Variants in BICC1 observed in about 807,000 individuals in gnomAD.
BICC1 encodes the protein protein bicaudal C homolog 1.
BICC1 carries 43 observed loss-of-function variants against 111.0 expected under a neutral mutation model. That is an observed-to-expected ratio of 0.39 (90% CI 0.30 to 0.50). BICC1 has a LOEUF of 0.50. Among genes scored for constraint, BICC1 ranks in the 20% least tolerant of loss-of-function variants. BICC1 has a pLI of 0.88. For synonymous variants in BICC1, 467 were observed against 434.4 expected (o/e 1.07, Z -0.93); for missense variants, 1,091 against 1,203.2 (o/e 0.91, Z 1.38).
chr10:58,820,486 A>C lies in BICC1; in HGVS notation c.2794+18A>C. 5 of 1,523,208 alleles carry C rather than the reference A, an allele frequency of 3.3e-6. No homozygotes were observed. Among genetic ancestry groups the C allele is most frequent in the Non-Finnish European group, 4.6e-6 (5 of 1,098,660 alleles). 94.4% of individuals were successfully genotyped at this position (1,523,208 alleles called of 1,614,324 possible). On this transcript the variant is annotated intron_variant, in intron 20 of 20. Coordinates refer to ENST00000373886, the MANE Select transcript of BICC1 (RefSeq NM_001080512.3). ...AATTTCAGGTGAATATAAATATTCA[A>C]CTCATATGTTAAAATCTGAATAACC...
rs781532964 is a variant in BICC1 at position 58,702,102 on chromosome 10, C to G, written c.266C>G (p.Ala89Gly). Residue 89 changes from alanine (A) to glycine (G), a missense_variant, in exon 3 of 21, where the codon GCT becomes GGT. Ala to Gly is a moderately conservative substitution (Grantham distance 60). Transcript: ENST00000373886. ...KIMEETNTQI[A>G]WPSKLKIGAK... ...ATGGAGGAAACAAATACGCAGATTG[C>G]TTGGCCATCAAAACTGAAGATCGGA... is the stretch of plus-strand genomic sequence containing the variant. 1 of 1,613,114 alleles carries G rather than the reference C, an allele frequency of 6.2e-7. No homozygotes were observed. The highest frequency in any genetic ancestry group is 1.3e-5 in the African/African-American group (1 of 74,890).
At chr10:58,560,791 T>C (rs940338740) in intron 1 of BICC1, among the ~76,000 whole-genome samples, 2 of 152,084 alleles carry the variant, frequency 1.3e-5, no homozygotes, top group African/African-American at 4.8e-5. Flanking sequence ...TTCTTCTTAA[T>C]TTTTCTTCAT....
At chr10:58,659,098 A>T (rs1838757074) in intron 2 of BICC1, among the ~76,000 whole-genome samples, 1 of 152,168 alleles carries the variant, frequency 6.6e-6, no homozygotes, top group Non-Finnish European at 1.5e-5. Flanking sequence ...AAAATAACAG[A>T]TCTGGTAAGG....
intron 3 of BICC1, among the ~76,000 whole-genome samples, chr10:58,716,862 G>C (rs1840761024): frequency 6.6e-6 from 1 of 151,282 alleles, no homozygotes; most frequent in African/African-American, 2.5e-5. Flanking sequence ...GAACACAGTA[G>C]CCATACTTCA....
At chr10:58,790,688 G>A (rs1042096277) in intron 8 of BICC1, among the ~76,000 whole-genome samples, 5 of 152,114 alleles carry the variant, frequency 3.3e-5, no homozygotes, top group Admixed American at 1.3e-4. Context: ...TAGCCAATGC[G>A]GTGGCAGGTG....
At position 58,579,495 on chromosome 10, in the gene BICC1, GA is replaced by G. The variant is rs565919707; in HGVS notation, c.191-41359del. ...AACAATCCACGTGTCACCATGATCAGATCCCGGAGCCACGCCTACTGGGGCA... is the reference window on the plus strand; with the variant it reads ...AACAATCCACGTGTCACCATGATCAGTCCCGGAGCCACGCCTACTGGGGCA... On this transcript the variant is annotated intron_variant, in intron 1 of 20. Coordinates refer to ENST00000373886, the MANE Select transcript of BICC1 (RefSeq NM_001080512.3). 2.3e-3 allele frequency among the ~76,000 whole-genome samples: 344 copies of G among 152,298 alleles called. 3 individuals carry two copies. The highest frequency in any genetic ancestry group is 7.5e-3 in the African/African-American group (313 of 41,568).
chr10:58,735,576 A>G (rs1174511480), intron 3 of BICC1, among the ~76,000 whole-genome samples: 1 of 152,102 alleles, frequency 6.6e-6, no homozygotes, highest in Non-Finnish European at 1.5e-5. Flanking sequence ...CTAAGTTCAC[A>G]GCCACCTTGC....
At chr10:58,695,885 T>C (rs182908599) in intron 2 of BICC1, among the ~76,000 whole-genome samples, 76 of 152,334 alleles carry the variant, frequency 5.0e-4, no homozygotes, top group African/African-American at 1.7e-3. Context: ...ATTTTTATCA[T>C]GGATGAAACT....
At chr10:58,649,567 C>T (rs1588971535) in intron 2 of BICC1, among the ~76,000 whole-genome samples, 1 of 152,286 alleles carries the variant, frequency 6.6e-6, no homozygotes, top group East Asian at 1.9e-4. Context: ...CTTCAACTCC[C>T]ACGAGAGAGC....
chr10:58,818,497 T>TAAAATA (rs1390169210), intron 19 of BICC1, among the ~76,000 whole-genome samples: 7 of 152,154 alleles, frequency 4.6e-5, no homozygotes. Context: ...TTAGAGAACA[T>TAAAATA]CTGATTTAGT....
At chr10:58,687,736 G>A (rs1366381816) in intron 2 of BICC1, among the ~76,000 whole-genome samples, 4 of 152,152 alleles carry the variant, frequency 2.6e-5, no homozygotes, top group Admixed American at 6.5e-5. Context: ...GTATTAGGGT[G>A]GGAGTGTCCT....
At chr10:58,543,569 G>A (rs1339779262) in intron 1 of BICC1, among the ~76,000 whole-genome samples, 1 of 152,068 alleles carries the variant, frequency 6.6e-6, no homozygotes, top group Non-Finnish European at 1.5e-5. Flanking sequence ...GAGTGCAGTG[G>A]TGTGATCATA....
At position 58,609,627 on chromosome 10, in the gene BICC1, C is replaced by CT. The variant is rs1291548412; in HGVS notation, c.191-11221dup. Among the ~76,000 whole-genome samples, 3 of 152,116 alleles carry CT rather than the reference C, an allele frequency of 2.0e-5. No individual in the cohort carries two copies. In the East Asian group the frequency reaches 5.8e-4, roughly 29 times the overall value. On this transcript the variant is annotated intron_variant, in intron 1 of 20. Transcript: ENST00000373886. ...AAACATTATTAAGATTTTTTACATT[C>CT]TTTTTTTACTACGTTTTCAAAATCC...
chr10:58,542,858 A>G (rs1049856677), intron 1 of BICC1, among the ~76,000 whole-genome samples: 1 of 150,186 alleles, frequency 6.7e-6, no homozygotes, highest in South Asian at 2.1e-4. Flanking sequence ...AAAAAAAAAC[A>G]AACTGAAAAA....
Position 58,736,538 on chromosome 10 carries a change from C to T in BICC1, c.307+34395C>T, listed in dbSNP as rs190514863. On this transcript the variant is annotated intron_variant, in intron 3 of 20. Coordinates refer to ENST00000373886, the MANE Select transcript of BICC1 (RefSeq NM_001080512.3). ...GTCATCAGAGGTAAAAAGATTGGTC[C>T]TTCTGGAGTACTTGTGACCGACTCA... Among the ~76,000 whole-genome samples, 5 of 152,230 alleles carry T rather than the reference C, an allele frequency of 3.3e-5. No homozygotes were observed. In the East Asian group the frequency reaches 9.7e-4, roughly 29 times the overall value.
chr10:58,769,655 A>G (rs556476581), intron 3 of BICC1, among the ~76,000 whole-genome samples: 49 of 151,982 alleles, frequency 3.2e-4, no homozygotes, highest in African/African-American at 1.1e-3. Flanking sequence ...GCACAACTAT[A>G]TTTACATAAA....
At chr10:58,741,734 T>G (rs1300798767) in intron 3 of BICC1, among the ~76,000 whole-genome samples, 1 of 152,178 alleles carries the variant, frequency 6.6e-6, no homozygotes, top group Non-Finnish European at 1.5e-5. Context: ...CCTTTATATT[T>G]AAACCCATGC....
chr10:58,549,877 G>A (rs1002796383), intron 1 of BICC1, among the ~76,000 whole-genome samples: 3 of 151,604 alleles, frequency 2.0e-5, no homozygotes, highest in Non-Finnish European at 4.4e-5. Context: ...TAGTAGAGAC[G>A]GGTTTTTACC....
At chr10:58,655,344 C>T (rs1220637820) in intron 2 of BICC1, among the ~76,000 whole-genome samples, 1 of 137,962 alleles carries the variant, frequency 7.2e-6, no homozygotes, top group Non-Finnish European at 1.6e-5. Flanking sequence ...TTGTTTGTAT[C>T]CTCTTTTATT....
Sources: allele counts gnomAD v4.1 joint callset (sites outside exome capture counted in the v4.1 genomes callset), GRCh38; gene constraint gnomAD v4.1.1; transcripts MANE v1.5; gene names NCBI Gene and HGNC (gene_info 2026-07-23, HGNC 2026-07-21).